LHFPL2: variants seen among roughly 807,000 people sequenced by gnomAD.
LHFPL2 encodes LHFPL tetraspan subfamily member 2 protein.
A neutral mutation model predicts 17.5 loss-of-function variants in LHFPL2; 7 were observed. That is an observed-to-expected ratio of 0.40 (90% CI 0.23 to 0.75). LHFPL2 has a LOEUF of 0.75. Among genes scored for constraint, LHFPL2 ranks in the 30% least tolerant of loss-of-function variants. The pLI, the probability that LHFPL2 is intolerant of heterozygous loss-of-function variation, is 0.37. For missense variants in LHFPL2, 241 were observed against 294.8 expected, an observed-to-expected ratio of 0.82 and a Z score of 1.34; for synonymous variants, 134 against 116.2, an observed-to-expected ratio of 1.15 and a Z score of -0.99.
intron 2 of LHFPL2, among the ~76,000 whole-genome samples, chr5:78,569,624 T>G (rs1417712352): frequency 6.6e-6 from 1 of 152,146 alleles, no homozygotes; most frequent in Non-Finnish European, 1.5e-5. Context: ...AGGAAAGACA[T>G]GAGAGTGTCG....
chr5:78,538,345 T>TA (rs397695866), intron 3 of LHFPL2, among the ~76,000 whole-genome samples: 6 of 152,150 alleles, frequency 3.9e-5, no homozygotes, highest in African/African-American at 7.2e-5. Context: ...AACATTTTTT[T>TA]AAATTAATAG....
intron 2 of LHFPL2, among the ~76,000 whole-genome samples, chr5:78,630,819 C>T (rs1191616498): frequency 1.3e-5 from 2 of 152,128 alleles, no homozygotes; most frequent in East Asian, 1.9e-4. Context: ...CAGAATAAGG[C>T]GGGGGCAAAA....
At chr5:78,540,942 T>G (rs1756093836) in intron 3 of LHFPL2, among the ~76,000 whole-genome samples, 1 of 152,174 alleles carries the variant, frequency 6.6e-6, no homozygotes, top group Admixed American at 6.5e-5. Flanking sequence ...ACCTGTGTCC[T>G]TCACGAGTGG....
chr5:78,523,603 A>G (rs535946561), intron 3 of LHFPL2, among the ~76,000 whole-genome samples: 1 of 152,328 alleles, frequency 6.6e-6, no homozygotes, highest in African/African-American at 2.4e-5. Flanking sequence ...CTAGAAGGCA[A>G]GGGCGAGGAC....
intron 2 of LHFPL2, among the ~76,000 whole-genome samples, chr5:78,575,315 G>A (rs372777986): frequency 1.3e-5 from 2 of 152,288 alleles, no homozygotes; most frequent in African/African-American, 4.8e-5. Context: ...TTGGGAGGCC[G>A]AGGTGCGTGG....
At chr5:78,588,583 C>T (rs1743518675) in intron 2 of LHFPL2, among the ~76,000 whole-genome samples, 2 of 152,102 alleles carry the variant, frequency 1.3e-5, no homozygotes, top group Admixed American at 6.5e-5. Context: ...TAGAAGTGTT[C>T]TTCAAAGGAT....
At chr5:78,521,438 G>A (rs1023433363) in intron 3 of LHFPL2, among the ~76,000 whole-genome samples, 2 of 152,188 alleles carry the variant, frequency 1.3e-5, no homozygotes, top group Admixed American at 6.5e-5. Flanking sequence ...CAACCCAATA[G>A]TCTGGTGATT....
Position 78,574,051 on chromosome 5 carries a change from C to A in LHFPL2, c.-244-9180G>T, listed in dbSNP as rs149974261. 7.9e-5 allele frequency among the ~76,000 whole-genome samples: 12 copies of A among 152,302 alleles called. No homozygotes were observed. In the East Asian group the frequency reaches 1.9e-3, roughly 24 times the overall value. On this transcript the variant is annotated intron_variant, in intron 2 of 4. Coordinates refer to ENST00000380345, the MANE Select transcript of LHFPL2 (RefSeq NM_005779.3). ...AAATACCCAAAACAGAAGAAAATTT[C>A]TCTTTTAATGCCAGCTCTTCTCCCA...
At chr5:78,626,259 T>C (rs1745029739) in intron 2 of LHFPL2, 1 of 152,342 alleles carries the variant, frequency 6.6e-6, no homozygotes, top group Admixed American at 6.5e-5. Flanking sequence ...GGTTTGTTTA[T>C]TTCTTCTTCA....
chr5:78,620,423 G>A (rs528415099), intron 2 of LHFPL2, among the ~76,000 whole-genome samples: 6 of 152,058 alleles, frequency 3.9e-5, no homozygotes, highest in South Asian at 2.1e-4. Context: ...ATAGAAAGGC[G>A]ACGATGATCT....
At chr5:78,553,127 G>T (rs537578375) in intron 3 of LHFPL2, among the ~76,000 whole-genome samples, 8 of 152,274 alleles carry the variant, frequency 5.3e-5, no homozygotes, top group Admixed American at 6.5e-5. Context: ...CTTTCACAAG[G>T]TGACCTCTCC....
In LHFPL2 at chr5:78,637,819, A is replaced by G. The variant is rs548233205; in HGVS notation, c.-349-5451T>C. Among the ~76,000 whole-genome samples, 374 of 152,352 alleles carry G rather than the reference A, an allele frequency of 2.5e-3. 3 individuals carry two copies. Among genetic ancestry groups the G allele is most frequent in the African/African-American group, 8.5e-3 (354 of 41,576 alleles). On this transcript the variant is annotated intron_variant, in intron 1 of 4. Transcript: ENST00000380345. ...GCTGTATCAGAGTCTGTATTTTAAC[A>G]GGATTCCAGCCAATTCTTGGGCACA...
chr5:78,579,963 C>A (rs1743049611), intron 2 of LHFPL2, among the ~76,000 whole-genome samples: 1 of 152,196 alleles, frequency 6.6e-6, no homozygotes. Flanking sequence ...ACAGTCCCAC[C>A]AACAGTGTAA....
intron 2 of LHFPL2, among the ~76,000 whole-genome samples, chr5:78,618,178 G>A (rs1744688175): frequency 6.6e-6 from 1 of 152,030 alleles, no homozygotes; most frequent in African/African-American, 2.4e-5. Flanking sequence ...TCCAGCCTGG[G>A]TGTCAGAGCA....
chr5:78,641,842 A>G (rs866413787), intron 1 of LHFPL2, among the ~76,000 whole-genome samples: 6 of 151,920 alleles, frequency 3.9e-5, no homozygotes, highest in African/African-American at 1.5e-4. Context: ...TTACATTCTC[A>G]GCAAGTGAAG....
chr5:78,530,452 G>A (rs1487119240), intron 3 of LHFPL2, among the ~76,000 whole-genome samples: 3 of 152,156 alleles, frequency 2.0e-5, no homozygotes, highest in Admixed American at 6.5e-5. Flanking sequence ...GTCTACACAC[G>A]GAACAGGGTG....
At position 78,489,061 on chromosome 5, in the gene LHFPL2, T is replaced by G. The variant is rs751959967; in HGVS notation, c.523A>C (p.Lys175Gln). 1 of 1,614,086 alleles carries G rather than the reference T, an allele frequency of 6.2e-7. No homozygotes were observed. The highest frequency in any genetic ancestry group is 8.5e-7 in the Non-Finnish European group (1 of 1,180,040). Residue 175 changes from lysine (K) to glutamine (Q), a missense_variant, in exon 5 of 5, where the codon AAA becomes CAA. Physicochemically the swap from Lys to Gln is moderately conservative, Grantham distance 53 (BLOSUM62 1). Transcript: ENST00000380345. ...DYCGHYASAY[K>Q]PGDCSLGWAF... ...CAGCCCAAGGAGCAGTCTCCAGGTT[T>G]GTAGGCAGATGCATAATGTCCACAG...
At chr5:78,645,184 C>A (rs1024963531) in intron 1 of LHFPL2, among the ~76,000 whole-genome samples, 10 of 152,074 alleles carry the variant, frequency 6.6e-5, no homozygotes, top group Admixed American at 2.0e-4. Context: ...TCCAGTACAG[C>A]TCTTCTGAGT....
At chr5:78,560,133 C>G (rs1415474853) in intron 3 of LHFPL2, among the ~76,000 whole-genome samples, 1 of 152,226 alleles carries the variant, frequency 6.6e-6, no homozygotes, top group Non-Finnish European at 1.5e-5. Flanking sequence ...AATAGCTATC[C>G]TCACCACCAT....
Sources: allele counts gnomAD v4.1 joint callset (sites outside exome capture counted in the v4.1 genomes callset), GRCh38; gene constraint gnomAD v4.1.1; transcripts MANE v1.5; gene names NCBI Gene and HGNC (gene_info 2026-07-23, HGNC 2026-07-21).